Variants in MYLIP observed in about 807,000 individuals in gnomAD.
MYLIP encodes myosin regulatory light chain interacting protein.
In MYLIP, 26 loss-of-function variants were observed where a neutral mutation model predicts 45.8. The ratio of observed to expected loss-of-function variants is 0.57; its 90% CI spans 0.42 to 0.79. MYLIP has a LOEUF of 0.79. Among genes scored for constraint, MYLIP ranks in the 30% least tolerant of loss-of-function variants. The pLI is 0.00. For synonymous variants in MYLIP, 213 were observed against 218.1 expected (o/e 0.98, Z 0.21); for missense variants, 494 against 555.6 (o/e 0.89, Z 1.11).
At chr6:16,141,467 A>C (rs543098098) in intron 2 of MYLIP, 158 bp from the exon 3 acceptor site, 1 of 641,118 alleles carries the variant, frequency 1.6e-6, no homozygotes, top group Non-Finnish European at 2.6e-6. Flanking sequence ...ATTTTGCCTT[A>C]ATACTGATGA....
intron 2 of MYLIP, among the ~76,000 whole-genome samples, chr6:16,140,582 G>T (rs964896270): frequency 1.3e-5 from 2 of 152,132 alleles, no homozygotes; most frequent in African/African-American, 4.8e-5. Context: ...AGACCAAAGG[G>T]TATCCAAGCA....
chr6:16,130,184 G>T (rs1759429649), intron 1 of MYLIP, among the ~76,000 whole-genome samples: 1 of 152,190 alleles, frequency 6.6e-6, no homozygotes, highest in Admixed American at 6.5e-5. Flanking sequence ...GGTTAAAATT[G>T]CCCAGATAAT....
downstream of MYLIP, among the ~76,000 whole-genome samples, chr6:16,151,876 A>G (rs1309225616): frequency 6.6e-6 from 1 of 152,240 alleles, no homozygotes; most frequent in East Asian, 1.9e-4. Flanking sequence ...TAAAGGGGGA[A>G]GCTCTTTTTT....
Position 16,130,689 on chromosome 6 carries a change from C to T in MYLIP, c.220C>T (p.Leu74Phe). The T allele has an allele frequency of 6.2e-7, 1 of 1,614,192 alleles. No homozygotes were observed. The highest frequency in any genetic ancestry group is 8.5e-7 in the Non-Finnish European group (1 of 1,180,038). The stretch of plus-strand genomic sequence containing the variant: ...GATGGATGGGCTAGCCCCTTACAGG[C>T]TTAAACTTAGAGTCAAGTTCTTCGT... ...QQMDGLAPYR[L>F]KLRVKFFVEP... is the part of the protein sequence containing the mutation. Residue 74 changes from leucine (L) to phenylalanine (F), a missense_variant, in exon 2 of 7, where the codon CTT becomes TTT. Coordinates refer to ENST00000356840, the MANE Select transcript of MYLIP (RefSeq NM_013262.4).
chr6:16,158,118 G>T, the MYLIP span, among the ~76,000 whole-genome samples: 2 of 152,154 alleles, frequency 1.3e-5, no homozygotes, highest in Non-Finnish European at 2.9e-5. Flanking sequence ...ACGGATTATC[G>T]CTGTGAAAGC....
intron 3 of MYLIP, among the ~76,000 whole-genome samples, chr6:16,142,603 A>G (rs1759695734): frequency 1.3e-5 from 2 of 152,334 alleles, no homozygotes; most frequent in Admixed American, 6.5e-5. Context: ...GGCTCGACTG[A>G]GGGTGGCCTC....
rs3765234 is a variant in MYLIP, at chr6:16,129,267, G to T, written c.-56G>T. 104,175 of 1,526,446 alleles carry T rather than the reference G, an allele frequency of 0.068. 4,253 individuals are homozygous for T. Among genetic ancestry groups the T allele is most frequent in the East Asian group, 0.16 (6,535 of 40,714 alleles). 94.6% of individuals were successfully genotyped at this position (1,526,446 alleles called of 1,614,324 possible). ...GCTGGGTCCCACCAGTGACAAGGCG[G>T]CAGCCCCGCGCACACCAAAGAGAAG... is the stretch of plus-strand genomic sequence containing the variant. On this transcript the variant is annotated 5_prime_UTR_variant, in exon 1 of 7. Coordinates refer to ENST00000356840, the MANE Select transcript of MYLIP (RefSeq NM_013262.4). This position sits in a 1 kb window ranked among gnomAD's most constrained non-coding sequence, Gnocchi z 5.1.
rs374072017 is a variant in MYLIP at position 16,143,783 on chromosome 6, C to T, written c.747C>T (p.Ile249=). 19 of 1,613,726 alleles carry T rather than the reference C, an allele frequency of 1.2e-5. No individual in the cohort carries two copies. The highest frequency in any genetic ancestry group is 1.5e-5 in the Non-Finnish European group (18 of 1,179,976). ...LTVTKESGNS[I]VLLFKMISTR... is the part of the protein sequence containing the mutation. ...TCACCAAGGAATCTGGGAACAGCATCGTGCTCTTGTTTAAAATGATCAGCA... is the reference window on the plus strand; with the variant it reads ...TCACCAAGGAATCTGGGAACAGCATTGTGCTCTTGTTTAAAATGATCAGCA... The change falls in exon 5 of 7, where the codon ATC becomes ATT. Residue 249 remains isoleucine (I), a synonymous_variant. Coordinates refer to ENST00000356840, the MANE Select transcript of MYLIP (RefSeq NM_013262.4).
At chr6:16,130,437 A>G in intron 1 of MYLIP, 120 bp from the exon 2 acceptor site, 3 of 981,160 alleles carry the variant, frequency 3.1e-6, no homozygotes, top group Non-Finnish European at 3.1e-6. Context: ...AGTTTAGATC[A>G]GGAATTGTAA....
At position 16,145,711 on chromosome 6, in the gene MYLIP, T is replaced by A. The variant is rs527249348; in HGVS notation, c.1248+394T>A. On this transcript the variant is annotated intron_variant, in intron 6 of 6. Transcript: ENST00000356840. ...GGATGGTCTTTATTACTTAAGATATTTGGGAAAGAATACTTCTCAATTATC... is the reference window on the plus strand; with the variant it reads ...GGATGGTCTTTATTACTTAAGATATATGGGAAAGAATACTTCTCAATTATC... 8.5e-5 allele frequency among the ~76,000 whole-genome samples: 13 copies of A among 152,264 alleles called. No homozygotes were observed. In the South Asian group the frequency reaches 2.5e-3, roughly 29 times the overall value.
intron 2 of MYLIP, among the ~76,000 whole-genome samples, chr6:16,139,177 C>A (rs1055481485): frequency 6.6e-6 from 1 of 151,974 alleles, no homozygotes; most frequent in Non-Finnish European, 1.5e-5. Context: ...CCGAGGCAGG[C>A]AGATCATGAG....
At chr6:16,153,794 A>G in the MYLIP span, among the ~76,000 whole-genome samples, 2 of 152,210 alleles carry the variant, frequency 1.3e-5, no homozygotes, top group Admixed American at 1.3e-4. Flanking sequence ...CCCTAGACTC[A>G]GGCAGCACGT....
chr6:16,146,735 A>G lies in MYLIP; in HGVS notation c.1322A>G (p.Asn441Ser). Residue 441 changes from asparagine to serine, a missense_variant, in exon 7 of 7, where the codon AAT becomes AGT. Coordinates refer to ENST00000356840, the MANE Select transcript of MYLIP (RefSeq NM_013262.4). Reference sequence around the variant, plus strand: ...CTGCCAACGCACACCAGTCTTCTCAATCTGACTGTAATCTAATCTGTTGTG... The same window carrying G: ...CTGCCAACGCACACCAGTCTTCTCAGTCTGACTGTAATCTAATCTGTTGTG... ...VYLPTHTSLL[N>S]LTVI 1 of 1,609,894 alleles carries G rather than the reference A, an allele frequency of 6.2e-7. No homozygotes were observed. Among genetic ancestry groups the G allele is most frequent in the Non-Finnish European group, 8.5e-7 (1 of 1,177,420 alleles).
intron 2 of MYLIP, among the ~76,000 whole-genome samples, chr6:16,132,173 A>G (rs1252202167): frequency 4.6e-5 from 7 of 152,206 alleles, no homozygotes; most frequent in Non-Finnish European, 8.8e-5. Context: ...TTAAATCTTC[A>G]GAAGCTTGGA....
At chr6:16,138,337 G>A (rs1476277734) in intron 2 of MYLIP, among the ~76,000 whole-genome samples, 4 of 151,918 alleles carry the variant, frequency 2.6e-5, no homozygotes, top group Admixed American at 2.0e-4. Flanking sequence ...AAAAAGGAGG[G>A]GGCAAAACCC....
Position 16,136,078 on chromosome 6 carries a change from TC to T in MYLIP, c.278+5332del, listed in dbSNP as rs1368939188. 2.0e-5 allele frequency among the ~76,000 whole-genome samples: 3 copies of T among 152,288 alleles called. No homozygotes were observed. In the South Asian group the frequency reaches 6.2e-4, roughly 32 times the overall value. ...CTAGAACTCAATGTTTGCAGTTTTT[TC>T]TTTTGATGTAAAATTTACATAAATC... On this transcript the variant is annotated intron_variant, in intron 2 of 6. Transcript: ENST00000356840.
Position 16,129,091 on chromosome 6 carries a change from G to A in MYLIP, c.-232G>A. The A allele has an allele frequency of 1.8e-6, 1 of 542,376 alleles. No individual in the cohort carries two copies. Among genetic ancestry groups the A allele is most frequent in the Non-Finnish European group, 3.3e-6 (1 of 306,172 alleles). 33.6% of individuals were successfully genotyped at this position (542,376 alleles called of 1,614,324 possible). ...GTCCCTGTCGCAGCGCAGGCAGTTG[G>A]GCTGCTGGAGTGCGGCGCCACCGCG... On this transcript the variant is annotated 5_prime_UTR_variant, in exon 1 of 7. Transcript: ENST00000356840. This position sits in a 1 kb window ranked among gnomAD's most constrained non-coding sequence, Gnocchi z 5.1.
At chr6:16,159,858 G>A in the MYLIP span, among the ~76,000 whole-genome samples, 1 of 152,182 alleles carries the variant, frequency 6.6e-6, no homozygotes, top group African/African-American at 2.4e-5. Flanking sequence ...CTACCACCAC[G>A]CAGCAACCAG....
At chr6:16,137,602 G>A (rs1357296107) in intron 2 of MYLIP, among the ~76,000 whole-genome samples, 1 of 152,184 alleles carries the variant, frequency 6.6e-6, no homozygotes, top group Non-Finnish European at 1.5e-5. Flanking sequence ...CAGTAACTGA[G>A]AGGAACCCTC....
Sources: gnomAD v4.1 joint callset for allele counts (sites outside exome capture counted in the v4.1 genomes callset) on GRCh38, gnomAD v4.1.1 for gene constraint, Gnocchi (gnomAD v3.1) non-coding constraint, MANE v1.5 for transcripts, NCBI Gene and HGNC (gene_info 2026-07-23, HGNC 2026-07-21) for gene names.